FAM151B: variants seen among roughly 807,000 people sequenced by gnomAD.
FAM151B encodes the protein protein FAM151B.
In FAM151B, 24 loss-of-function variants were observed where a neutral mutation model predicts 31.2. The ratio of observed to expected loss-of-function variants is 0.77; its 90% CI spans 0.56 to 1.08. The LOEUF is 1.08. Among genes scored for constraint, FAM151B ranks in the 50% least tolerant of loss-of-function variants. The pLI is 0.00. For missense variants in FAM151B, 293 were observed against 328.6 expected, an observed-to-expected ratio of 0.89 and a Z score of 0.84; for synonymous variants, 105 against 111.4, an observed-to-expected ratio of 0.94 and a Z score of 0.36.
chr5:80,537,217 C>T (rs1291915220), intron 5 of FAM151B, among the ~76,000 whole-genome samples: 1 of 152,152 alleles, frequency 6.6e-6, no homozygotes, highest in Admixed American at 6.5e-5. Flanking sequence ...TTTCCAATTC[C>T]TGTCGCTCCT....
At chr5:80,530,195 C>T (rs1366586073) in intron 5 of FAM151B, among the ~76,000 whole-genome samples, 1 of 152,082 alleles carries the variant, frequency 6.6e-6, no homozygotes, top group African/African-American at 2.4e-5. Flanking sequence ...GCCCTTCATG[C>T]TAAAAACTCT....
chr5:80,523,749 T>C (rs150509249), intron 5 of FAM151B, among the ~76,000 whole-genome samples: 1 of 152,282 alleles, frequency 6.6e-6, no homozygotes, highest in East Asian at 1.9e-4. Flanking sequence ...TCCATTTGCA[T>C]GTGGGAAAAT....
intron 5 of FAM151B, among the ~76,000 whole-genome samples, chr5:80,528,849 A>G (rs1440255853): frequency 6.6e-6 from 1 of 152,192 alleles, no homozygotes; most frequent in Non-Finnish European, 1.5e-5. Context: ...GTTAACAAGG[A>G]TATCCAGGAA....
At chr5:80,529,962 T>A (rs2112661199) in intron 5 of FAM151B, among the ~76,000 whole-genome samples, 1 of 152,326 alleles carries the variant, frequency 6.6e-6, no homozygotes, top group Middle Eastern at 3.4e-3. Context: ...ATATCCGTGA[T>A]GAACATCGCT....
chr5:80,495,485 C>T lies in FAM151B; in HGVS notation c.26-6307C>T, dbSNP rs1580409475. 3.3e-5 allele frequency among the ~76,000 whole-genome samples: 5 copies of T among 151,902 alleles called. No homozygotes were observed. The South Asian group carries it at 1.0e-3, about 32-fold the overall frequency. Reference sequence around the variant, plus strand: ...AGTTGATTCCAGCTCTCATGGGTGACTTTGAGGGATGCAATACTTCAATAG... The same window carrying T: ...AGTTGATTCCAGCTCTCATGGGTGATTTTGAGGGATGCAATACTTCAATAG... On this transcript the variant is annotated intron_variant, in intron 1 of 5. Coordinates refer to ENST00000282226, the MANE Select transcript of FAM151B (RefSeq NM_205548.3).
chr5:80,498,185 CT>C, intron 1 of FAM151B, among the ~76,000 whole-genome samples: 1 of 152,218 alleles, frequency 6.6e-6, no homozygotes, highest in Admixed American at 6.5e-5. Flanking sequence ...AAATGGCTAC[CT>C]TAATATTTTA....
intron 1 of FAM151B, 41 bp downstream of exon 1, chr5:80,488,189 C>G: frequency 1.3e-6 from 2 of 1,525,190 alleles, no homozygotes; most frequent in Non-Finnish European, 1.8e-6. Flanking sequence ...AGGTGGGGCG[C>G]TTTGAGAGGC....
At chr5:80,501,985 T>C (rs1401335597) in intron 2 of FAM151B, 68 bp downstream of exon 2, 1 of 1,312,312 alleles carries the variant, frequency 7.6e-7, no homozygotes, top group Non-Finnish European at 1.0e-6. Flanking sequence ...TTTTGATATC[T>C]AGGTATATTT....
chr5:80,520,350 A>G (rs1744644608), intron 4 of FAM151B, among the ~76,000 whole-genome samples: 1 of 152,132 alleles, frequency 6.6e-6, no homozygotes, highest in Non-Finnish European at 1.5e-5. Flanking sequence ...GTTATTTAAA[A>G]TAGATATATT....
chr5:80,524,074 G>A (rs1744842487), intron 5 of FAM151B, among the ~76,000 whole-genome samples: 2 of 152,076 alleles, frequency 1.3e-5, no homozygotes, highest in South Asian at 2.1e-4. Context: ...TGAAATTAAA[G>A]CATTACATTT....
At position 80,522,139 on chromosome 5, in the gene FAM151B, G is replaced by T. The variant is rs758338485; in HGVS notation, c.671+1G>T. 15 of 1,610,676 alleles carry T rather than the reference G, an allele frequency of 9.3e-6. No homozygotes were observed. In the African/African-American group the frequency reaches 1.6e-4, roughly 17 times the overall value. The stretch of plus-strand genomic sequence containing the variant: ...TTTGGCTGTTAAAGAAATCAAACAG[G>T]TATGTAATAGTTTAACAAATGTGTA... On this transcript the variant is annotated splice_donor_variant, in intron 5 of 5. Transcript: ENST00000282226. LOFTEE classifies it high-confidence loss of function.
intron 1 of FAM151B, among the ~76,000 whole-genome samples, chr5:80,489,741 A>G (rs552492374): frequency 4.8e-4 from 73 of 152,274 alleles, no homozygotes; most frequent in African/African-American, 1.5e-3. Context: ...TGGCTAACAC[A>G]GTGAAACCTC....
chr5:80,537,477 A>G (rs898120630), intron 5 of FAM151B, among the ~76,000 whole-genome samples: 5 of 152,188 alleles, frequency 3.3e-5, no homozygotes, highest in East Asian at 1.9e-4. Context: ...GTACGCTCCA[A>G]TGTCGTAGCG....
chr5:80,515,221 CAA>C (rs1484472200), intron 3 of FAM151B, among the ~76,000 whole-genome samples: 21 of 151,818 alleles, frequency 1.4e-4, no homozygotes, highest in Admixed American at 6.6e-4. Context: ...GCCTCGGCAA[CAA>C]GAGCAAAACT....
chr5:80,529,172 A>T (rs1214783684), intron 5 of FAM151B, among the ~76,000 whole-genome samples: 2 of 152,186 alleles, frequency 1.3e-5, no homozygotes, highest in Non-Finnish European at 2.9e-5. Flanking sequence ...AGAAATAAAG[A>T]TGTTCTTTGA....
At chr5:80,501,417 T>G (rs889489315) in intron 1 of FAM151B, 6 of 614,976 alleles carry the variant, frequency 9.8e-6, no homozygotes, top group African/African-American at 1.9e-5. Flanking sequence ...TCTACCATGA[T>G]TATTTTTCTA....
chr5:80,492,055 C>T (rs1174988321), intron 1 of FAM151B, among the ~76,000 whole-genome samples: 1 of 152,156 alleles, frequency 6.6e-6, no homozygotes, highest in African/African-American at 2.4e-5. Flanking sequence ...AGAGGGAGCA[C>T]AGAGGTTTGG....
At chr5:80,527,768 A>G (rs534100938) in intron 5 of FAM151B, among the ~76,000 whole-genome samples, 3 of 152,354 alleles carry the variant, frequency 2.0e-5, no homozygotes, top group African/African-American at 7.2e-5. Flanking sequence ...GAAGGCCTAC[A>G]GCATTACTGT....
At chr5:80,538,448 C>CTTTCTCTTTCTTTGTT (rs1235874356) in intron 5 of FAM151B, among the ~76,000 whole-genome samples, 8 of 49,362 alleles carry the variant, frequency 1.6e-4, no homozygotes, top group South Asian at 7.8e-4. Flanking sequence ...TTCTTTCTTT[C>CTTTCTCTTTCTTTGTT]TCTTTCTTTC....
Sources: allele counts gnomAD v4.1 joint callset (sites outside exome capture counted in the v4.1 genomes callset), GRCh38; gene constraint gnomAD v4.1.1; transcripts MANE v1.5; gene names NCBI Gene and HGNC (gene_info 2026-07-23, HGNC 2026-07-21).